VPS13B: variants seen among roughly 807,000 people sequenced by gnomAD.
VPS13B encodes vacuolar protein sorting 13 homolog B.
Under a neutral mutation model 426.4 loss-of-function variants are expected in VPS13B, and 285 were observed. That is an observed-to-expected ratio of 0.67 (90% CI 0.61 to 0.74). The LOEUF is 0.74. Ranked by LOEUF, VPS13B falls within the 30% of genes least tolerant of loss-of-function variation. The pLI is 0.00. For synonymous variants in VPS13B, 1,676 were observed against 1,676.4 expected (o/e 1.00, Z 0.01); for missense variants, 4,537 against 4,782.6 (o/e 0.95, Z 1.51).
chr8:99,065,330 C>T (rs1218614798), intron 3 of VPS13B, among the ~76,000 whole-genome samples: 1 of 152,202 alleles, frequency 6.6e-6, no homozygotes, highest in Non-Finnish European at 1.5e-5. Context: ...AAGTCGGCTT[C>T]ATCCCTGGCA....
chr8:99,316,647 G>A (rs1225934665), intron 19 of VPS13B, among the ~76,000 whole-genome samples: 1 of 152,124 alleles, frequency 6.6e-6, no homozygotes, highest in Non-Finnish European at 1.5e-5. Context: ...GCCGGTCCCA[G>A]TCAAGCATGC....
At chr8:99,165,724 A>G (rs2132651360) in intron 15 of VPS13B, among the ~76,000 whole-genome samples, 1 of 152,340 alleles carries the variant, frequency 6.6e-6, no homozygotes, top group South Asian at 2.1e-4. Flanking sequence ...AGCATGTAAT[A>G]CATTTGAAAG....
chr8:99,204,422 G>T (rs537101691), intron 17 of VPS13B, among the ~76,000 whole-genome samples: 1 of 152,102 alleles, frequency 6.6e-6, no homozygotes, highest in Non-Finnish European at 1.5e-5. Flanking sequence ...GAAAACCTAG[G>T]CAATACCATT....
At chr8:99,586,192 C>A (rs78146213) in intron 33 of VPS13B, among the ~76,000 whole-genome samples, 6,418 of 152,216 alleles carry the variant, frequency 0.042, 147 homozygotes, top group East Asian at 0.06. Context: ...TTTGTTAAAA[C>A]AGGATTTCTG....
Position 99,442,646 on chromosome 8 carries a change from A to C in VPS13B, c.3445+11A>C. 6.2e-7 allele frequency: 1 copy of C among 1,611,826 alleles called. No homozygotes were observed. The highest frequency in any genetic ancestry group is 1.3e-5 in the African/African-American group (1 of 75,012). On this transcript the variant is annotated intron_variant, in intron 23 of 61. Coordinates refer to ENST00000357162, the MANE Select transcript of VPS13B (RefSeq NM_152564.5). ...CCATCCTTGAAGAAGGTATATGTTA[A>C]CATTTTTTTCCTATGGTTAATGTTT...
At chr8:99,866,470 C>T (rs572274233) in intron 58 of VPS13B, among the ~76,000 whole-genome samples, 33 of 152,368 alleles carry the variant, frequency 2.2e-4, no homozygotes, top group East Asian at 3.9e-4. Context: ...GGTTCCACAG[C>T]TCCCTCTCTG....
chr8:99,067,027 G>T (rs766540188), intron 3 of VPS13B, among the ~76,000 whole-genome samples: 1 of 152,124 alleles, frequency 6.6e-6, no homozygotes, highest in African/African-American at 2.4e-5. Context: ...AAATAGGAAC[G>T]CTTTTACAGT....
At chr8:99,309,623 C>T (rs1026296343) in intron 19 of VPS13B, among the ~76,000 whole-genome samples, 12 of 152,150 alleles carry the variant, frequency 7.9e-5, no homozygotes, top group African/African-American at 2.9e-4. Flanking sequence ...TGTGATGCCT[C>T]CAGCTTTGTT....
intron 19 of VPS13B, among the ~76,000 whole-genome samples, chr8:99,309,051 G>A (rs1219718586): frequency 6.6e-6 from 1 of 150,964 alleles, no homozygotes; most frequent in Non-Finnish European, 1.5e-5. Flanking sequence ...TTGTAAATTT[G>A]TTTGAATTCA....
Position 99,274,133 on chromosome 8 carries a change from G to C in VPS13B, c.2516-65G>C, listed in dbSNP as rs1818763103. ...GAGTATAATTAAGTTTAAATGCCTTGGTGAAGGAATATAAAAATTATTTAA... is the reference window on the plus strand; with the variant it reads ...GAGTATAATTAAGTTTAAATGCCTTCGTGAAGGAATATAAAAATTATTTAA... On this transcript the variant is annotated intron_variant, in intron 17 of 61. Transcript: ENST00000357162. The C allele has an allele frequency of 3.2e-5, 52 of 1,600,462 alleles. 1 individual carries two copies. In the South Asian group the frequency reaches 4.3e-4, roughly 13 times the overall value.
At chr8:99,312,773 G>C (rs550603295) in intron 19 of VPS13B, among the ~76,000 whole-genome samples, 79 of 152,242 alleles carry the variant, frequency 5.2e-4, no homozygotes, top group African/African-American at 1.7e-3. Context: ...TTTCTGACTT[G>C]GTTCCATTCT....
Position 99,727,884 on chromosome 8 carries a change from A to G in VPS13B, c.7050+6837A>G, listed in dbSNP as rs117296096. The stretch of plus-strand genomic sequence containing the variant: ...GCAGCAACCAAAGAAATGGTGCCTA[A>G]GAGTCTGGTTCACCTGGTAGCTAAA... On this transcript the variant is annotated intron_variant, in intron 39 of 61. Transcript: ENST00000357162. Among the ~76,000 whole-genome samples, 51 of 152,350 alleles carry G rather than the reference A, an allele frequency of 3.3e-4. No homozygotes were observed. In the East Asian group the frequency reaches 8.7e-3, roughly 26 times the overall value.
intron 39 of VPS13B, among the ~76,000 whole-genome samples, chr8:99,729,912 G>A (rs187655376): frequency 2.6e-5 from 4 of 152,266 alleles, no homozygotes; most frequent in Admixed American, 6.5e-5. Flanking sequence ...CAAGCTTCCC[G>A]TAATTTTGAA....
chr8:99,312,637 A>G (rs945301823), intron 19 of VPS13B, among the ~76,000 whole-genome samples: 8 of 152,086 alleles, frequency 5.3e-5, no homozygotes, highest in African/African-American at 1.7e-4. Flanking sequence ...GAATCTGACA[A>G]TTATGTGTCT....
At chr8:99,690,750 A>G (rs1588626311) in intron 35 of VPS13B, among the ~76,000 whole-genome samples, 2 of 152,372 alleles carry the variant, frequency 1.3e-5, no homozygotes, top group Admixed American at 1.3e-4. Context: ...CAATAAGCAC[A>G]TGAAAAAATG....
chr8:99,578,820 G>T (rs1301706128), intron 33 of VPS13B, among the ~76,000 whole-genome samples: 1 of 152,104 alleles, frequency 6.6e-6, no homozygotes, highest in Non-Finnish European at 1.5e-5. Flanking sequence ...ATCACTGATT[G>T]TTTTAGGATT....
intron 35 of VPS13B, among the ~76,000 whole-genome samples, chr8:99,667,214 G>A (rs906383133): frequency 1.3e-5 from 2 of 152,156 alleles, no homozygotes; most frequent in African/African-American, 4.8e-5. Context: ...GCTCCCAGAT[G>A]AAGTAGATGC....
intron 36 of VPS13B, among the ~76,000 whole-genome samples, chr8:99,711,407 G>C (rs1392803637): frequency 6.6e-6 from 1 of 152,094 alleles, no homozygotes; most frequent in Non-Finnish European, 1.5e-5. Context: ...CTGTTCCTGT[G>C]TCCTCACTGC....
At chr8:99,234,036 A>C in intron 17 of VPS13B, 1 of 776,190 alleles carries the variant, frequency 1.3e-6, no homozygotes, top group Non-Finnish European at 2.4e-6. Flanking sequence ...GCACCAACAA[A>C]CTGGGTTGGA....
Sources: allele counts gnomAD v4.1 joint callset (sites outside exome capture counted in the v4.1 genomes callset), GRCh38; gene constraint gnomAD v4.1.1; transcripts MANE v1.5; gene names NCBI Gene and HGNC (gene_info 2026-07-23, HGNC 2026-07-21).